STK32C: variants seen among roughly 807,000 people sequenced by gnomAD.
STK32C encodes serine/threonine-protein kinase 32C.
A neutral mutation model predicts 56.5 loss-of-function variants in STK32C; 31 were observed. The observed-to-expected ratio is 0.55, with a 90% CI of 0.41 to 0.74. The LOEUF is 0.74. STK32C is among the 30% of genes least tolerant of loss of function. The pLI, the probability that STK32C is intolerant of heterozygous loss-of-function variation, is 0.00. For synonymous variants in STK32C, 309 were observed against 289.4 expected (o/e 1.07, Z -0.69); for missense variants, 544 against 676.9 (o/e 0.80, Z 2.18).
chr10:132,272,908 C>T (rs560028956), intron 1 of STK32C, among the ~76,000 whole-genome samples: 75 of 152,278 alleles, frequency 4.9e-4, no homozygotes, highest in Middle Eastern at 3.4e-3. Context: ...GACTCTGCTG[C>T]GCTCTCTGAA....
chr10:132,226,450 TGTG>T (rs2062892886), intron 4 of STK32C, among the ~76,000 whole-genome samples: 1 of 152,302 alleles, frequency 6.6e-6, no homozygotes, highest in East Asian at 1.9e-4. Flanking sequence ...TTCCCTGGGA[TGTG>T]GTGGATGGGC....
At position 132,307,486 on chromosome 10, in the gene STK32C, G is replaced by A. The variant is rs893092761; in HGVS notation, c.262+86C>T. 1.4e-6 allele frequency: 2 copies of A among 1,413,140 alleles called. No homozygotes were observed. Among genetic ancestry groups the A allele is most frequent in the Non-Finnish European group, 1.9e-6 (2 of 1,071,710 alleles). The allele number at this position is 1,413,140 out of a possible 1,614,324, so 87.5% of individuals were successfully genotyped here. On this transcript the variant is annotated intron_variant, in intron 1 of 11. Transcript: ENST00000298630. The surrounding 1 kb of genome is among the most constrained non-coding windows in gnomAD (Gnocchi z 4.4). ...CCGGGAAGCCGTCCCGGACACCGGG[G>A]GAACCCCTGCGGGAAAAAGCCGCCC...
At chr10:132,235,096 G>A (rs572822391) in intron 2 of STK32C, among the ~76,000 whole-genome samples, 1 of 152,302 alleles carries the variant, frequency 6.6e-6, no homozygotes, top group East Asian at 1.9e-4. Context: ...AACTGTGTGA[G>A]TGGTGTGAGC....
chr10:132,235,966 C>A (rs572521465), intron 2 of STK32C, among the ~76,000 whole-genome samples: 1 of 152,170 alleles, frequency 6.6e-6, no homozygotes, highest in Non-Finnish European at 1.5e-5. Context: ...ATGTCGGATA[C>A]CGAGGGCACA....
At chr10:132,294,207 G>A (rs1046191294) in intron 1 of STK32C, among the ~76,000 whole-genome samples, 1 of 151,984 alleles carries the variant, frequency 6.6e-6, no homozygotes. Context: ...GCCCCAGCAC[G>A]GCAGAGTCAG....
At position 132,268,484 on chromosome 10, in the gene STK32C, T is replaced by A. The variant is rs541324872; in HGVS notation, c.263-22529A>T. On this transcript the variant is annotated intron_variant, in intron 1 of 11. Coordinates refer to ENST00000298630, the MANE Select transcript of STK32C (RefSeq NM_173575.4). ...GTCCCACATCGTGTGTGTGTGTCGG[T>A]GTGTGTGCATGCCTGTGTATGCAGG... Among the ~76,000 whole-genome samples, 252 of 144,882 alleles carry A rather than the reference T, an allele frequency of 1.7e-3. 1 individual carries two copies. The highest frequency in any genetic ancestry group is 6.3e-3 in the African/African-American group (241 of 38,222).
chr10:132,258,882 G>A (rs1178388180), intron 1 of STK32C, among the ~76,000 whole-genome samples: 6 of 152,258 alleles, frequency 3.9e-5, no homozygotes, highest in Non-Finnish European at 5.9e-5. Flanking sequence ...GAAGGTCTCC[G>A]CCCGTGGGCA....
In STK32C at chr10:132,224,515, A is replaced by C; in HGVS notation, c.885T>G (p.Tyr295Ter). The C allele has an allele frequency of 6.3e-7, 1 of 1,592,290 alleles. No homozygotes were observed. The highest frequency in any genetic ancestry group is 8.5e-7 in the Non-Finnish European group (1 of 1,170,216). Residue 295 changes from tyrosine to a stop codon, truncating the protein, a stop_gained, in exon 8 of 12, where the codon TAT becomes TAG. Coordinates refer to ENST00000298630, the MANE Select transcript of STK32C (RefSeq NM_173575.4). LOFTEE classifies it high-confidence loss of function. ...AYELLRGWRP[Y>*]DIHSSNAVES... ...CCACGGCGTTGCTGGAGTGGATGTC[A>C]TAGGGCCTCTGGAGACAGGGAGGCA...
rs774056598 is a variant in STK32C, at chr10:132,208,139, G to T, written c.1332C>A (p.Ser444Arg). The change falls in exon 12 of 12, where the codon AGC becomes AGA. Residue 444 changes from serine to arginine, a missense_variant. By Grantham distance (110) the Ser-to-Arg change is moderately radical. This residue lies in a region of STK32C where 277 missense variants were observed against 309.3 expected (regional missense o/e 0.90). Coordinates refer to ENST00000298630, the MANE Select transcript of STK32C (RefSeq NM_173575.4). ...GGAGAGGCTCCCTCGGGAGGTCCTG[G>T]CTCCTCTTCAGCCTGGGGTGGCAGG... ...VIFNREKLKRSQDLPREPLPA... is the reference protein window; with the variant it reads ...VIFNREKLKRRQDLPREPLPA... 3.1e-6 allele frequency: 4 copies of T among 1,310,408 alleles called. No homozygotes were observed. The East Asian group carries it at 1.1e-4, about 37-fold the overall frequency. The allele number at this position is 1,310,408 out of a possible 1,614,324, so 81.2% of individuals were successfully genotyped here. A position where few individuals can be genotyped will look rare whatever the true frequency, so the allele number is the denominator to read the frequency against.
At chr10:132,296,866 G>T (rs373994565) in intron 1 of STK32C, among the ~76,000 whole-genome samples, 120 of 152,316 alleles carry the variant, frequency 7.9e-4, no homozygotes, top group Non-Finnish European at 2.8e-4. Flanking sequence ...TCGCAGGCCC[G>T]CGCCCTCTGG....
At chr10:132,226,734 C>G in intron 4 of STK32C, 61 bp downstream of exon 4, 1 of 1,581,886 alleles carries the variant, frequency 6.3e-7, no homozygotes, top group Non-Finnish European at 8.6e-7. Flanking sequence ...GCAGCCTGAC[C>G]TAAGGCTGCT....
intron 1 of STK32C, among the ~76,000 whole-genome samples, chr10:132,290,872 G>A (rs1265359068): frequency 1.3e-5 from 2 of 152,012 alleles, no homozygotes; most frequent in Non-Finnish European, 2.9e-5. Flanking sequence ...ACCAAGCCCA[G>A]GGCCACCATG....
intron 1 of STK32C, chr10:132,324,392 G>A (rs375697192): frequency 1.7e-4 from 135 of 771,504 alleles, no homozygotes; most frequent in Non-Finnish European, 2.6e-4. Flanking sequence ...GGAAACAGAG[G>A]TCATCTTCAC....
At position 132,228,147 on chromosome 10, in the gene STK32C, T is replaced by C; in HGVS notation, c.319-19A>G. ...TGCACACCTGGAGGGCACAGGGCTG[T>C]TCGGCAGGACGCCTGAGGACGCCTG... On this transcript the variant is annotated intron_variant, in intron 2 of 11. Transcript: ENST00000298630. The C allele has an allele frequency of 6.2e-7, 1 of 1,613,858 alleles. No homozygotes were observed. The highest frequency in any genetic ancestry group is 8.5e-7 in the Non-Finnish European group (1 of 1,180,010).
intron 10 of STK32C, among the ~76,000 whole-genome samples, chr10:132,210,318 G>A (rs148497029): frequency 9.2e-5 from 14 of 152,300 alleles, no homozygotes; most frequent in Admixed American, 3.3e-4. Flanking sequence ...GTGCAGTGGC[G>A]TGATCTTGGC....
chr10:132,242,245 G>C (rs910788474), intron 2 of STK32C, among the ~76,000 whole-genome samples: 1 of 152,204 alleles, frequency 6.6e-6, no homozygotes, highest in Non-Finnish European at 1.5e-5. Flanking sequence ...TCCTCTGAGA[G>C]GGGCCATGAG....
chr10:132,286,537 T>C (rs2065410675), intron 1 of STK32C, among the ~76,000 whole-genome samples: 1 of 152,044 alleles, frequency 6.6e-6, no homozygotes, highest in Non-Finnish European at 1.5e-5. Flanking sequence ...TAATGAAATA[T>C]TGGAAAACTG....
rs548471985 is a variant in STK32C, at chr10:132,306,505, C to G, written c.262+1067G>C. Among the ~76,000 whole-genome samples the G allele has an allele frequency of 1.2e-4, 18 of 152,364 alleles. 1 individual carries two copies. In the South Asian group the frequency reaches 3.7e-3, roughly 32 times the overall value. ...ACACCATGAATCCCCGGTGCCGTCT[C>G]CCGGAGGAACGGCGGTGCACGGCCC... On this transcript the variant is annotated intron_variant, in intron 1 of 11. Transcript: ENST00000298630.
intron 1 of STK32C, among the ~76,000 whole-genome samples, chr10:132,264,071 G>A (rs1010843654): frequency 3.9e-5 from 6 of 152,154 alleles, no homozygotes; most frequent in African/African-American, 1.4e-4. Context: ...TGGCTGCCAG[G>A]AGCTGGGGCA....
Sources: gnomAD v4.1 joint callset for allele counts (sites outside exome capture counted in the v4.1 genomes callset) on GRCh38, gnomAD v4.1.1 for gene constraint, gnomAD v4.1.1 regional missense constraint, Gnocchi (gnomAD v3.1) non-coding constraint, MANE v1.5 for transcripts, NCBI Gene and HGNC (gene_info 2026-07-23, HGNC 2026-07-21) for gene names.